KAZN: variants seen among roughly 807,000 people sequenced by gnomAD.
The protein encoded by KAZN is kazrin.
A neutral mutation model predicts 87.4 loss-of-function variants in KAZN; 40 were observed. The ratio of observed to expected loss-of-function variants is 0.46; its 90% CI spans 0.36 to 0.60. KAZN has a LOEUF of 0.60. Ranked by LOEUF, KAZN falls within the 20% of genes least tolerant of loss-of-function variation. KAZN has a pLI of 0.00. For missense variants in KAZN, 898 were observed against 1,073.9 expected (o/e 0.84, Z 2.29); for synonymous variants, 466 against 458.3 (o/e 1.02, Z -0.22).
intron 1 of KAZN, among the ~76,000 whole-genome samples, chr1:13,900,948 G>A (rs1639224197): frequency 1.3e-5 from 2 of 151,608 alleles, no homozygotes; most frequent in African/African-American, 4.9e-5. Flanking sequence ...TTTAATGAGA[G>A]GAAGTTTAAT....
intron 4 of KAZN, 23 bp downstream of exon 4, chr1:15,044,182 T>C: frequency 7.4e-7 from 1 of 1,345,194 alleles, no homozygotes; most frequent in Admixed American, 2.1e-5. Context: ...CCCACCCAGG[T>C]GGGCCTGGCA....
At chr1:14,957,337 C>T (rs1014629818) in intron 1 of KAZN, among the ~76,000 whole-genome samples, 1 of 152,344 alleles carries the variant, frequency 6.6e-6, no homozygotes, top group East Asian at 1.9e-4. Context: ...GCCCCCGTGC[C>T]TAGAGCCGTG....
chr1:15,083,167 G>A (rs1486516121), intron 8 of KAZN, among the ~76,000 whole-genome samples: 7 of 152,152 alleles, frequency 4.6e-5, no homozygotes, highest in Admixed American at 3.3e-4. Context: ...CAAACTCTTC[G>A]GAGGTAGGCA....
intron 1 of KAZN, among the ~76,000 whole-genome samples, chr1:14,056,083 C>G (rs1642542307): frequency 6.6e-6 from 1 of 152,184 alleles, no homozygotes; most frequent in Non-Finnish European, 1.5e-5. Context: ...CCAGTTTTCC[C>G]AAAGCCTTTT....
intron 2 of KAZN, among the ~76,000 whole-genome samples, chr1:14,419,843 GACACCT>G (rs1275495230): frequency 1.3e-5 from 2 of 152,156 alleles, no homozygotes; most frequent in East Asian, 3.9e-4. Context: ...AGTGAAGCCA[GACACCT>G]TTGCGGCGAG....
chr1:14,346,417 C>T (rs1002125472), intron 2 of KAZN, among the ~76,000 whole-genome samples: 23 of 152,084 alleles, frequency 1.5e-4, no homozygotes, highest in African/African-American at 5.1e-4. Flanking sequence ...TCCTTTGCAC[C>T]GGTGTTCTTT....
At chr1:14,306,464 A>G (rs1218738036) in intron 2 of KAZN, among the ~76,000 whole-genome samples, 1 of 152,170 alleles carries the variant, frequency 6.6e-6, no homozygotes, top group Non-Finnish European at 1.5e-5. Flanking sequence ...AGTAGAAAGG[A>G]CATGAACTCA....
intron 2 of KAZN, among the ~76,000 whole-genome samples, chr1:14,590,475 T>A (rs2148579361): frequency 6.6e-6 from 1 of 152,290 alleles, no homozygotes; most frequent in East Asian, 1.9e-4. Flanking sequence ...GTGGAAACCT[T>A]AGAATTGGGC....
At chr1:14,121,296 C>T (rs779550454) in intron 1 of KAZN, among the ~76,000 whole-genome samples, 7 of 152,318 alleles carry the variant, frequency 4.6e-5, no homozygotes, top group Middle Eastern at 3.4e-3. Context: ...TCAGCTAACT[C>T]ATCACTACGG....
intron 1 of KAZN, among the ~76,000 whole-genome samples, chr1:13,912,729 C>G (rs75436219): frequency 0.2 from 30,386 of 151,896 alleles, 3,400 homozygotes; most frequent in Non-Finnish European, 0.26. Context: ...TCAGCCTCCC[C>G]AGTAGCTGGG....
intron 2 of KAZN, among the ~76,000 whole-genome samples, chr1:14,386,061 G>A (rs1385637463): frequency 6.6e-6 from 1 of 151,254 alleles, no homozygotes; most frequent in South Asian, 2.1e-4. Flanking sequence ...CCTTTACCAT[G>A]ATGTAATGGC....
intron 2 of KAZN, among the ~76,000 whole-genome samples, chr1:14,503,376 C>G (rs1445165029): frequency 6.6e-6 from 1 of 150,494 alleles, no homozygotes; most frequent in Non-Finnish European, 1.5e-5. Flanking sequence ...CCCAGCTACT[C>G]GGGAGGCTGA....
At chr1:15,016,818 C>T (rs1367859768) in intron 2 of KAZN, among the ~76,000 whole-genome samples, 1 of 152,222 alleles carries the variant, frequency 6.6e-6, no homozygotes, top group African/African-American at 2.4e-5. Flanking sequence ...ATGGCAGCTT[C>T]TCCATCCTTC....
intron 1 of KAZN, among the ~76,000 whole-genome samples, chr1:14,877,123 C>T (rs1241432983): frequency 6.6e-6 from 1 of 152,042 alleles, no homozygotes; most frequent in Non-Finnish European, 1.5e-5. Context: ...TGACTGGCTC[C>T]AGGAGCTCAA....
chr1:14,674,573 G>A (rs370738921), intron 1 of KAZN, among the ~76,000 whole-genome samples: 14 of 152,206 alleles, frequency 9.2e-5, no homozygotes, highest in Non-Finnish European at 1.3e-4. Context: ...TCACCAGGAC[G>A]AGTTAGGCAC....
intron 1 of KAZN, among the ~76,000 whole-genome samples, chr1:13,932,370 C>T (rs1427494132): frequency 4.7e-5 from 7 of 149,562 alleles, no homozygotes; most frequent in African/African-American, 1.7e-4. Context: ...ATGCCATTCT[C>T]CTGCCTCAGC....
intron 1 of KAZN, among the ~76,000 whole-genome samples, chr1:14,877,285 ACAT>A (rs904622186): frequency 6.6e-6 from 1 of 152,190 alleles, no homozygotes; most frequent in Non-Finnish European, 1.5e-5. Flanking sequence ...ATGACCTCAA[ACAT>A]CATCCTTATT....
At chr1:14,142,725 T>C (rs1037354180) in intron 1 of KAZN, among the ~76,000 whole-genome samples, 2 of 152,236 alleles carry the variant, frequency 1.3e-5, no homozygotes, top group South Asian at 4.1e-4. Context: ...GTGAGGCAGA[T>C]GGGCCCGCTG....
intron 1 of KAZN, among the ~76,000 whole-genome samples, chr1:14,160,703 T>A (rs537350800): frequency 6.6e-6 from 1 of 152,330 alleles, no homozygotes; most frequent in South Asian, 2.1e-4. Context: ...TTGCAGTTCT[T>A]GCTGAGCTAG....
Sources: allele counts gnomAD v4.1 joint callset (sites outside exome capture counted in the v4.1 genomes callset), GRCh38; gene constraint gnomAD v4.1.1; transcripts MANE v1.5; gene names NCBI Gene and HGNC (gene_info 2026-07-23, HGNC 2026-07-21).